The following MYCBP2 variants were observed in gnomAD, a reference collection of about 807,000 sequenced individuals.
MYCBP2 encodes E3 ubiquitin-protein ligase MYCBP2.
A neutral mutation model predicts 525.3 loss-of-function variants in MYCBP2; 120 were observed. That is an observed-to-expected ratio of 0.23 (90% CI 0.20 to 0.27). The LOEUF is 0.27. Ranked by LOEUF, MYCBP2 falls within the 10% of genes least tolerant of loss-of-function variation. The pLI, the probability that MYCBP2 is intolerant of heterozygous loss-of-function variation, is 1.00. For synonymous variants in MYCBP2, 1,894 were observed against 1,955.8 expected, an observed-to-expected ratio of 0.97 and a Z score of 0.83; for missense variants, 4,149 against 5,657.1, an observed-to-expected ratio of 0.73 and a Z score of 8.55.
intron 1 of MYCBP2, among the ~76,000 whole-genome samples, chr13:77,300,507 C>T (rs935923404): frequency 6.6e-6 from 1 of 152,158 alleles, no homozygotes; most frequent in Non-Finnish European, 1.5e-5. Flanking sequence ...TTTTAGTTCA[C>T]AGGCTACATA....
chr13:77,147,862 G>C (rs779249618), intron 47 of MYCBP2, among the ~76,000 whole-genome samples: 5 of 152,074 alleles, frequency 3.3e-5, no homozygotes, highest in Non-Finnish European at 7.4e-5. Context: ...GTGAATGGTT[G>C]ATAAGGAAAA....
chr13:77,227,858 A>G (rs1194081855), intron 18 of MYCBP2, among the ~76,000 whole-genome samples: 1 of 152,170 alleles, frequency 6.6e-6, no homozygotes, highest in Non-Finnish European at 1.5e-5. Context: ...AGTGAATACA[A>G]CCACAATGAC....
chr13:77,114,294 A>G (rs139471339), intron 55 of MYCBP2, among the ~76,000 whole-genome samples: 100 of 152,276 alleles, frequency 6.6e-4, no homozygotes, highest in Non-Finnish European at 1.3e-3. Context: ...GACTTTTTCT[A>G]TATTTTCCTC....
intron 41 of MYCBP2, among the ~76,000 whole-genome samples, chr13:77,166,042 C>T (rs969045258): frequency 1.3e-5 from 2 of 152,122 alleles, no homozygotes; most frequent in African/African-American, 4.8e-5. Context: ...ATAATTTGGA[C>T]CCAACTACAC....
intron 3 of MYCBP2, among the ~76,000 whole-genome samples, chr13:77,285,857 G>GGGAACGGAAA (rs1225180882): frequency 1.7e-4 from 25 of 146,028 alleles, no homozygotes; most frequent in African/African-American, 6.5e-4. Flanking sequence ...GAGAAAGGAA[G>GGGAACGGAAA]GGAAAGGAAA....
At chr13:77,312,960 A>G (rs2080455263) in intron 1 of MYCBP2, among the ~76,000 whole-genome samples, 1 of 152,044 alleles carries the variant, frequency 6.6e-6, no homozygotes, top group Non-Finnish European at 1.5e-5. Context: ...AGATGACCGA[A>G]CACATTCTTC....
rs115747082 is a variant in MYCBP2, at chr13:77,113,222, C to G, written c.8140+8151G>C. Reference sequence around the variant, plus strand: ...AAATTCTCACAAGTCCTTCAACACTCTGAGTAGGACCTGCCTCTTTTTTGA... The same window carrying G: ...AAATTCTCACAAGTCCTTCAACACTGTGAGTAGGACCTGCCTCTTTTTTGA... On this transcript the variant is annotated intron_variant, in intron 55 of 82. Transcript: ENST00000544440. Among the ~76,000 whole-genome samples the G allele has an allele frequency of 9.2e-3, 1,394 of 152,300 alleles. 22 individuals are homozygous for G. Among genetic ancestry groups the G allele is most frequent in the African/African-American group, 0.031 (1,300 of 41,566 alleles).
chr13:77,302,065 A>G (rs562223059), intron 1 of MYCBP2, among the ~76,000 whole-genome samples: 1 of 152,284 alleles, frequency 6.6e-6, no homozygotes, highest in South Asian at 2.1e-4. Flanking sequence ...ATGTGGGACA[A>G]AGTCAGATGG....
At position 77,244,399 on chromosome 13, in the gene MYCBP2, A is replaced by C. The variant is rs564834710; in HGVS notation, c.2382-448T>G. On this transcript the variant is annotated intron_variant, in intron 15 of 82. Coordinates refer to ENST00000544440, the MANE Select transcript of MYCBP2 (RefSeq NM_015057.5). ...AACAGAGCCTAAGCTTGCCAGCTTC[A>C]TGTAATATGTCTCCTTCCCATTCCC... Among the ~76,000 whole-genome samples the C allele has an allele frequency of 2.1e-3, 317 of 152,338 alleles. 1 individual carries two copies. Among genetic ancestry groups the C allele is most frequent in the Non-Finnish European group, 2.5e-3 (172 of 68,036 alleles).
chr13:77,058,130 G>A lies in MYCBP2; in HGVS notation c.13329+88C>T. 1 of 1,456,772 alleles carries A rather than the reference G, an allele frequency of 6.9e-7. No homozygotes were observed. 90.2% of individuals were successfully genotyped at this position (1,456,772 alleles called of 1,614,324 possible). Reference sequence around the variant, plus strand: ...GCTGGGATTACAGGCATGAGCCACTGCGCCCGGCCTCAATCAATGTTTATT... The same window carrying A: ...GCTGGGATTACAGGCATGAGCCACTACGCCCGGCCTCAATCAATGTTTATT... On this transcript the variant is annotated intron_variant, in intron 78 of 82. Transcript: ENST00000544440. The surrounding 1 kb of genome is among the most constrained non-coding windows in gnomAD (Gnocchi z 4.1).
chr13:77,168,363 A>T, intron 40 of MYCBP2, 65 bp downstream of exon 40: 1 of 1,348,846 alleles, frequency 7.4e-7, no homozygotes, highest in Non-Finnish European at 1.1e-6. Flanking sequence ...GGCATTCTTT[A>T]AGATATCATC....
rs542450368 is a variant in MYCBP2 at position 77,059,075 on chromosome 13, A to T, written c.13140+448T>A. Reference sequence around the variant, plus strand: ...CAAAATGCAGATTTTTTTTTTTTTTAAAAAGGTACCTTTGACTCTCTGAGC... The same window carrying T: ...CAAAATGCAGATTTTTTTTTTTTTTTAAAAGGTACCTTTGACTCTCTGAGC... On this transcript the variant is annotated intron_variant, in intron 77 of 82. Coordinates refer to ENST00000544440, the MANE Select transcript of MYCBP2 (RefSeq NM_015057.5). Among the ~76,000 whole-genome samples the T allele has an allele frequency of 1.6e-3, 232 of 148,356 alleles. 4 individuals carry two copies. The Middle Eastern group carries it at 0.021, about 13-fold the overall frequency.
At chr13:77,212,575 C>G (rs2154282637) in intron 21 of MYCBP2, among the ~76,000 whole-genome samples, 1 of 152,260 alleles carries the variant, frequency 6.6e-6, no homozygotes, top group East Asian at 1.9e-4. Flanking sequence ...CACTATTGAA[C>G]TCATATAATC....
In MYCBP2 at chr13:77,225,457, G is replaced by T; in HGVS notation, c.2835C>A (p.Val945=). The change falls in exon 19 of 83, where the codon GTC becomes GTA. Residue 945 remains valine (V), a synonymous_variant. Coordinates refer to ENST00000544440, the MANE Select transcript of MYCBP2 (RefSeq NM_015057.5). ...RFDCELRAVQ[V]SCGFHHSVVL... The stretch of plus-strand genomic sequence containing the variant: ...TACCTGAATGGTGAAATCCACAGCT[G>T]ACTTGGACTGCCCGGAGCTCACAGT... 1.2e-6 allele frequency: 2 copies of T among 1,613,682 alleles called. No homozygotes were observed. The highest frequency in any genetic ancestry group is 2.2e-5 in the South Asian group (2 of 91,060).
At chr13:77,157,604 T>C (rs1300100152) in intron 45 of MYCBP2, among the ~76,000 whole-genome samples, 2 of 151,466 alleles carry the variant, frequency 1.3e-5, no homozygotes, top group East Asian at 1.9e-4. Flanking sequence ...AAAAGAAAAA[T>C]AGCCGGGTGT....
At chr13:77,089,445 G>A (rs1041434119) in intron 60 of MYCBP2, among the ~76,000 whole-genome samples, 35 of 152,100 alleles carry the variant, frequency 2.3e-4, no homozygotes, top group African/African-American at 8.4e-4. Context: ...CTTCAATAAT[G>A]TTTTTCTTAA....
Position 77,251,255 on chromosome 13 carries a change from G to A in MYCBP2, c.2277C>T (p.His759=). The change falls in exon 15 of 83, where the codon CAC becomes CAT. Residue 759 remains histidine (H), a synonymous_variant. Coordinates refer to ENST00000544440, the MANE Select transcript of MYCBP2 (RefSeq NM_015057.5). ...EKSMMCPPGM[H]KWKLEQCMVC... is the part of the protein sequence containing the mutation. ...CCATGCACTGCTCCAGCTTCCATTT[G>A]TGCATGCCTGGAGGGCACATCATAG... is the stretch of plus-strand genomic sequence containing the variant. The A allele has an allele frequency of 6.2e-7, 1 of 1,614,126 alleles. No individual in the cohort carries two copies. The highest frequency in any genetic ancestry group is 8.5e-7 in the Non-Finnish European group (1 of 1,180,006).
Position 77,097,954 on chromosome 13 carries a change from G to C in MYCBP2, c.9200C>G (p.Pro3067Arg). 4 of 1,613,380 alleles carry C rather than the reference G, an allele frequency of 2.5e-6. No homozygotes were observed. Among genetic ancestry groups the C allele is most frequent in the Non-Finnish European group, 3.4e-6 (4 of 1,179,730 alleles). ...FHPELSKEHA[P>R]IRSSLNSQQP... ...TTGGCTATTTAAACTACTCCTTATA[G>C]GAGCATGTTCTTTGGAAAGTTCAGG... Residue 3067 changes from proline (P) to arginine (R), a missense_variant, in exon 56 of 83, where the codon CCT (proline) becomes CGT (arginine). Around this residue, in one of 21 missense-constraint regions of MYCBP2, gnomAD observed 653 missense variants for 744.7 expected, o/e 0.88. Transcript: ENST00000544440.
chr13:77,158,997 T>C (rs900074611), intron 44 of MYCBP2, among the ~76,000 whole-genome samples: 1 of 152,268 alleles, frequency 6.6e-6, no homozygotes, highest in African/African-American at 2.4e-5. Flanking sequence ...TTTTAAATGC[T>C]GGAACTCTGA....
Sources: allele counts gnomAD v4.1 joint callset (sites outside exome capture counted in the v4.1 genomes callset), GRCh38; gene constraint gnomAD v4.1.1; regional missense constraint gnomAD v4.1.1; non-coding constraint Gnocchi (gnomAD v3.1); transcripts MANE v1.5; gene names NCBI Gene and HGNC (gene_info 2026-07-23, HGNC 2026-07-21).